Variants in MYO3A observed in about 807,000 individuals in gnomAD.
MYO3A encodes the protein myosin-IIIa.
A neutral mutation model predicts 192.7 loss-of-function variants in MYO3A; 180 were observed. The ratio of observed to expected loss-of-function variants is 0.93; its 90% confidence interval spans 0.83 to 1.06. The LOEUF (loss-of-function observed/expected upper bound fraction) is 1.06, where lower values mean the gene tolerates loss of function less well. MYO3A is among the 50% of genes least tolerant of loss of function. MYO3A has a pLI of 0.00. For synonymous variants in MYO3A, 628 were observed against 645.3 expected (o/e 0.97, Z 0.41); for missense variants, 1,896 against 1,905.0 (o/e 1.00, Z 0.09).
At chr10:26,119,130 C>T (rs568169890) in intron 17 of MYO3A, among the ~76,000 whole-genome samples, 1 of 152,282 alleles carries the variant, frequency 6.6e-6, no homozygotes, top group African/African-American at 2.4e-5. Flanking sequence ...GTCATTCAGG[C>T]CTCAACTTCC....
chr10:25,981,969 A>G (rs1222960851), intron 4 of MYO3A, among the ~76,000 whole-genome samples: 1 of 152,124 alleles, frequency 6.6e-6, no homozygotes, highest in Non-Finnish European at 1.5e-5. Flanking sequence ...TGCTTTCTCA[A>G]TGGGGAGGCT....
chr10:26,006,206 AG>A (rs535070222), intron 6 of MYO3A, among the ~76,000 whole-genome samples: 79 of 152,310 alleles, frequency 5.2e-4, no homozygotes, highest in African/African-American at 1.9e-3. Flanking sequence ...ACAACATACC[AG>A]AATCTCTGGG....
chr10:26,186,558 G>A (rs1168701897), intron 31 of MYO3A, among the ~76,000 whole-genome samples: 4 of 152,096 alleles, frequency 2.6e-5, no homozygotes, highest in African/African-American at 4.8e-5. Flanking sequence ...GAGCCACTGC[G>A]CCCAGCCAAT....
chr10:26,103,719 A>T (rs1197424802), intron 17 of MYO3A, among the ~76,000 whole-genome samples: 1 of 152,178 alleles, frequency 6.6e-6, no homozygotes. Flanking sequence ...AGCATTGCAA[A>T]TGCTGAATAG....
At chr10:26,100,664 A>G (rs553471878) in intron 17 of MYO3A, among the ~76,000 whole-genome samples, 1 of 152,300 alleles carries the variant, frequency 6.6e-6, no homozygotes, top group Admixed American at 6.5e-5. Context: ...CCCAGTAGTC[A>G]TTCAGGAGCA....
intron 14 of MYO3A, among the ~76,000 whole-genome samples, chr10:26,085,093 C>T (rs1377656868): frequency 6.6e-6 from 1 of 152,006 alleles, no homozygotes; most frequent in Non-Finnish European, 1.5e-5. Flanking sequence ...ATTTCTGATA[C>T]ACCTGTTGTA....
At chr10:26,113,883 C>T (rs763861212) in intron 17 of MYO3A, among the ~76,000 whole-genome samples, 4 of 152,176 alleles carry the variant, frequency 2.6e-5, no homozygotes, top group Non-Finnish European at 5.9e-5. Context: ...AATTGAGGGG[C>T]ATTTAATTTC....
chr10:26,097,750 T>A (rs1185122781), intron 17 of MYO3A, among the ~76,000 whole-genome samples: 1 of 152,240 alleles, frequency 6.6e-6, no homozygotes, highest in African/African-American at 2.4e-5. Flanking sequence ...TATTCCATGC[T>A]GTATATGTAC....
chr10:26,185,560 G>A lies in MYO3A; in HGVS notation c.4439-7645G>A, dbSNP rs569298991. Among the ~76,000 whole-genome samples the A allele has an allele frequency of 4.0e-5, 6 of 151,732 alleles. No homozygotes were observed. In the East Asian group the frequency reaches 5.8e-4, roughly 15 times the overall value. ...TCACCATGTTGGCCAGACTGGTCTC[G>A]AACTCCTGGCCTCAAGTAATACACC... On this transcript the variant is annotated intron_variant, in intron 31 of 34. Transcript: ENST00000642920.
Position 26,205,833 on chromosome 10 carries a change from A to C in MYO3A, c.4730+2726A>C, listed in dbSNP as rs150032198. Among the ~76,000 whole-genome samples, 561 of 151,728 alleles carry C rather than the reference A, an allele frequency of 3.7e-3. 3 individuals are homozygous for C. Among genetic ancestry groups the C allele is most frequent in the African/African-American group, 0.013 (537 of 41,418 alleles). ...ACAGGGTTTCACTGTGTTAGCCAGG[A>C]TGGTCTCGATCTTCTGACCTTGTGA... On this transcript the variant is annotated intron_variant, in intron 34 of 34. Coordinates refer to ENST00000642920, the MANE Select transcript of MYO3A (RefSeq NM_017433.5).
intron 10 of MYO3A, among the ~76,000 whole-genome samples, chr10:26,038,343 T>C (rs1843149135): frequency 6.6e-6 from 1 of 152,246 alleles, no homozygotes. Context: ...AAACATGGAA[T>C]ATCTTTCCAT....
At chr10:25,975,736 A>G (rs2130762855) in intron 4 of MYO3A, among the ~76,000 whole-genome samples, 1 of 152,340 alleles carries the variant, frequency 6.6e-6, no homozygotes, top group South Asian at 2.1e-4. Context: ...AATGGAGTTT[A>G]TTTCAGGAGT....
At position 25,935,815 on chromosome 10, in the gene MYO3A, T is replaced by C. The variant is rs184297297; in HGVS notation, c.-33T>C. ...GTCTGAGCATTGTTATGCGTTATTTTCAAGCTTTGCTAACGGTAGGTGATA... is the reference window on the plus strand; with the variant it reads ...GTCTGAGCATTGTTATGCGTTATTTCCAAGCTTTGCTAACGGTAGGTGATA... On this transcript the variant is annotated 5_prime_UTR_variant, in exon 2 of 35. Transcript: ENST00000642920. 6.6e-6 allele frequency: 1 copy of C among 152,354 alleles called. No individual in the cohort carries two copies. Among genetic ancestry groups the C allele is most frequent in the African/African-American group, 2.4e-5 (1 of 41,580 alleles). 9.4% of individuals were successfully genotyped at this position (152,354 alleles called of 1,614,324 possible). A position where few individuals can be genotyped will look rare whatever the true frequency, so the allele number is the denominator to read the frequency against.
chr10:26,168,936 G>A (rs1039121193), intron 28 of MYO3A, 62 bp downstream of exon 28: 2 of 1,488,030 alleles, frequency 1.3e-6, no homozygotes, highest in South Asian at 1.2e-5. Flanking sequence ...CTTCTTACAG[G>A]CAAACCTCCA....
At chr10:26,037,407 G>C (rs1237167413) in intron 10 of MYO3A, among the ~76,000 whole-genome samples, 1 of 152,114 alleles carries the variant, frequency 6.6e-6, no homozygotes, top group Non-Finnish European at 1.5e-5. Flanking sequence ...ATTACTTACT[G>C]TGAGAAAAAA....
chr10:26,170,093 A>T (rs1053422075), intron 28 of MYO3A, among the ~76,000 whole-genome samples: 1 of 152,236 alleles, frequency 6.6e-6, no homozygotes, highest in Non-Finnish European at 1.5e-5. Flanking sequence ...TATATGAAAC[A>T]CATAGCAAAA....
chr10:26,143,246 G>A (rs1840269212), intron 20 of MYO3A, among the ~76,000 whole-genome samples: 1 of 152,098 alleles, frequency 6.6e-6, no homozygotes, highest in East Asian at 1.9e-4. Flanking sequence ...CAGGAGAATT[G>A]CTTGAACCTT....
chr10:26,059,177 A>G (rs1004581340), intron 10 of MYO3A, among the ~76,000 whole-genome samples: 12 of 147,570 alleles, frequency 8.1e-5, no homozygotes, highest in African/African-American at 3.0e-4. Flanking sequence ...ATACCTTTTA[A>G]GTCATTTTTT....
At chr10:26,192,655 CT>C (rs35651453) in intron 31 of MYO3A, among the ~76,000 whole-genome samples, 19 of 130,908 alleles carry the variant, frequency 1.5e-4, no homozygotes, top group African/African-American at 2.3e-4. Flanking sequence ...CCTTTCTTTC[CT>C]TTTTTTTTTT....
Sources: gnomAD v4.1 joint callset for allele counts (sites outside exome capture counted in the v4.1 genomes callset) on GRCh38, gnomAD v4.1.1 for gene constraint, MANE v1.5 for transcripts, NCBI Gene and HGNC (gene_info 2026-07-23, HGNC 2026-07-21) for gene names.